The following NAALADL2 variants were observed in gnomAD, a reference collection of about 807,000 sequenced individuals.
NAALADL2 encodes inactive N-acetylated-alpha-linked acidic dipeptidase-like protein 2.
In NAALADL2, 76 loss-of-function variants were observed where a neutral mutation model predicts 87.2. That is an observed-to-expected ratio of 0.87 (90% CI 0.72 to 1.05). The LOEUF (loss-of-function observed/expected upper bound fraction) is 1.05, where lower values mean the gene tolerates loss of function less well. Among genes scored for constraint, NAALADL2 ranks in the 50% least tolerant of loss-of-function variants. NAALADL2 has a pLI of 0.00. For missense variants in NAALADL2, 1,089 were observed against 945.8 expected, an observed-to-expected ratio of 1.15 and a Z score of -1.99; for synonymous variants, 354 against 331.0, an observed-to-expected ratio of 1.07 and a Z score of -0.75.
intron 1 of NAALADL2, among the ~76,000 whole-genome samples, chr3:174,992,705 A>G (rs1248486282): frequency 6.6e-6 from 1 of 152,142 alleles, no homozygotes; most frequent in East Asian, 1.9e-4. Context: ...AATGATATTA[A>G]AGTGTGGAAA....
intron 2 of NAALADL2, among the ~76,000 whole-genome samples, chr3:174,726,542 T>G (rs1443256534): frequency 6.6e-6 from 1 of 152,130 alleles, no homozygotes; most frequent in Non-Finnish European, 1.5e-5. Context: ...TTGCCCAAGG[T>G]GAATGCTTAA....
At chr3:174,754,164 A>C (rs192262897) in intron 3 of NAALADL2, among the ~76,000 whole-genome samples, 1 of 152,320 alleles carries the variant, frequency 6.6e-6, no homozygotes, top group Non-Finnish European at 1.5e-5. Flanking sequence ...AGGTAGTAAA[A>C]AGATTGTAGT....
At chr3:175,555,701 T>C (rs533992434) in intron 9 of NAALADL2, among the ~76,000 whole-genome samples, 5 of 152,298 alleles carry the variant, frequency 3.3e-5, no homozygotes, top group Admixed American at 2.6e-4. Flanking sequence ...ACTACACATA[T>C]ATATGTATAT....
chr3:174,489,416 G>A (rs1375660598), intron 1 of NAALADL2, among the ~76,000 whole-genome samples: 1 of 152,100 alleles, frequency 6.6e-6, no homozygotes, highest in South Asian at 2.1e-4. Context: ...ATATCTTCAT[G>A]ACCTTGGGCT....
intron 5 of NAALADL2, among the ~76,000 whole-genome samples, chr3:175,398,842 G>T (rs934652847): frequency 1.3e-5 from 2 of 151,784 alleles, no homozygotes; most frequent in African/African-American, 4.8e-5. Context: ...ACAGGATAGG[G>T]GTCCCGATCC....
chr3:175,742,618 C>G (rs1745394574), intron 12 of NAALADL2, among the ~76,000 whole-genome samples: 2 of 152,088 alleles, frequency 1.3e-5, no homozygotes, highest in Non-Finnish European at 2.9e-5. Flanking sequence ...AGGATGGTCT[C>G]CATCTCCTGA....
At chr3:175,447,756 T>G (rs1263341075) in intron 6 of NAALADL2, among the ~76,000 whole-genome samples, 1 of 152,208 alleles carries the variant, frequency 6.6e-6, no homozygotes, top group East Asian at 1.9e-4. Context: ...AGTCTTTTAG[T>G]ATAAAGCATT....
chr3:174,713,196 T>C (rs1730845649), intron 2 of NAALADL2, among the ~76,000 whole-genome samples: 1 of 152,220 alleles, frequency 6.6e-6, no homozygotes. Flanking sequence ...CTTAATCCAG[T>C]CTATCATTGA....
chr3:174,704,543 C>CTG (rs1484262489), intron 2 of NAALADL2, among the ~76,000 whole-genome samples: 6 of 151,528 alleles, frequency 4.0e-5, no homozygotes, highest in African/African-American at 1.5e-4. Flanking sequence ...ATAACTAATA[C>CTG]TGGAGGATAA....
At chr3:174,585,199 A>G (rs79955915) in intron 2 of NAALADL2, among the ~76,000 whole-genome samples, 34 of 152,276 alleles carry the variant, frequency 2.2e-4, no homozygotes, top group African/African-American at 7.5e-4. Context: ...AGCGTAGGAT[A>G]TGCATCATAA....
At chr3:174,797,305 C>CTTTTTTTTTTTTTTTTT (rs1160338109) in intron 3 of NAALADL2, among the ~76,000 whole-genome samples, 13 of 72,720 alleles carry the variant, frequency 1.8e-4, no homozygotes, top group African/African-American at 5.0e-4. Flanking sequence ...TTTCTTTTTT[C>CTTTTTTTTTTTTTTTTT]TTTTTTTTTT....
At chr3:175,716,661 G>A (rs897254271) in intron 11 of NAALADL2, among the ~76,000 whole-genome samples, 12 of 152,126 alleles carry the variant, frequency 7.9e-5, no homozygotes, top group African/African-American at 2.9e-4. Flanking sequence ...GAGGGAAAGT[G>A]GCTCAAAGTG....
chr3:175,161,816 G>GGTCTGT (rs1248085683), intron 2 of NAALADL2, among the ~76,000 whole-genome samples: 6 of 151,992 alleles, frequency 3.9e-5, no homozygotes, highest in African/African-American at 1.2e-4. Context: ...ATGACTTGGC[G>GGTCTGT]GTCTGTGTCT....
In NAALADL2 at chr3:175,107,679, C is replaced by T. The variant is rs972943053; in HGVS notation, c.545+10388C>T. ...AATTTAGTCAGTCCTTAGGGTTTAA[C>T]TAATAATATGAAAAATTGATATTGA... On this transcript the variant is annotated intron_variant, in intron 2 of 13. Coordinates refer to ENST00000454872, the MANE Select transcript of NAALADL2 (RefSeq NM_207015.3). 1.6e-4 allele frequency among the ~76,000 whole-genome samples: 25 copies of T among 151,634 alleles called. 1 individual carries two copies. The highest frequency in any genetic ancestry group is 5.8e-4 in the African/African-American group (24 of 41,368).
At chr3:175,301,662 A>G (rs917895889) in intron 4 of NAALADL2, among the ~76,000 whole-genome samples, 5 of 152,220 alleles carry the variant, frequency 3.3e-5, no homozygotes, top group African/African-American at 1.2e-4. Flanking sequence ...GGCAGGATTG[A>G]TAACAACTGA....
rs943527817 is a variant in NAALADL2, at chr3:175,807,306, G to A, written c.*4103G>A. 1 of 151,854 alleles carries A rather than the reference G, an allele frequency of 6.6e-6. No individual in the cohort carries two copies. Among genetic ancestry groups the A allele is most frequent in the African/African-American group, 2.4e-5 (1 of 41,388 alleles). 9.4% of individuals were successfully genotyped at this position (151,854 alleles called of 1,614,324 possible). ...AGAGCATATAGTAAGTTTCCCCACA[G>A]GAAAGACAGATGTTAACAAAAATAA... is the stretch of plus-strand genomic sequence containing the variant. On this transcript the variant is annotated 3_prime_UTR_variant, in exon 14 of 14. Coordinates refer to ENST00000454872, the MANE Select transcript of NAALADL2 (RefSeq NM_207015.3).
chr3:175,331,165 A>G (rs1353557457), intron 5 of NAALADL2, among the ~76,000 whole-genome samples: 1 of 150,880 alleles, frequency 6.6e-6, no homozygotes, highest in East Asian at 2.0e-4. Flanking sequence ...AAGTCTTCCA[A>G]CAACAACAAA....
chr3:175,056,357 T>C (rs1032471305), intron 1 of NAALADL2, among the ~76,000 whole-genome samples: 3 of 152,158 alleles, frequency 2.0e-5, no homozygotes, highest in Non-Finnish European at 4.4e-5. Context: ...GTCCCATTGT[T>C]ACCCTGATGC....
At chr3:174,723,960 A>G (rs1471246027) in intron 2 of NAALADL2, among the ~76,000 whole-genome samples, 1 of 151,978 alleles carries the variant, frequency 6.6e-6, no homozygotes. Flanking sequence ...GTCTTTGAGC[A>G]AATATATATG....
Sources: gnomAD v4.1 joint callset for allele counts (sites outside exome capture counted in the v4.1 genomes callset) on GRCh38, gnomAD v4.1.1 for gene constraint, MANE v1.5 for transcripts, NCBI Gene and HGNC (gene_info 2026-07-23, HGNC 2026-07-21) for gene names.